The following IKZF1 variants were observed in gnomAD, a reference collection of about 807,000 sequenced individuals.
The protein encoded by IKZF1 is IKAROS family zinc finger 1, also known as DNA-binding protein Ikaros.
In IKZF1, 10 loss-of-function variants were observed where a neutral mutation model predicts 51.7. The observed-to-expected ratio is 0.19, with a 90% CI of 0.12 to 0.33. The LOEUF (loss-of-function observed/expected upper bound fraction) is 0.33, where lower values mean the gene tolerates loss of function less well. Among genes scored for constraint, IKZF1 ranks in the 10% least tolerant of loss-of-function variants. The pLI is 1.00. For missense variants in IKZF1, 484 were observed against 707.5 expected, an observed-to-expected ratio of 0.68 and a Z score of 3.58; for synonymous variants, 280 against 282.3, an observed-to-expected ratio of 0.99 and a Z score of 0.08.
At chr7:50,319,123 G>A in intron 2 of IKZF1, 22 bp downstream of exon 2, 2 of 1,611,162 alleles carry the variant, frequency 1.2e-6, no homozygotes, top group South Asian at 1.1e-5. Context: ...TGAGATAGCT[G>A]TGTGGGAAGT....
intron 3 of IKZF1, among the ~76,000 whole-genome samples, chr7:50,375,623 C>G (rs962937236): frequency 1.3e-5 from 2 of 151,900 alleles, no homozygotes; most frequent in African/African-American, 4.8e-5. Context: ...ACATAATTAC[C>G]TTGTGATGTG....
intron 3 of IKZF1, among the ~76,000 whole-genome samples, chr7:50,343,758 G>A (rs1478106747): frequency 6.6e-6 from 1 of 152,202 alleles, no homozygotes; most frequent in Admixed American, 6.5e-5. Flanking sequence ...AAGACCTAAC[G>A]TTGAGAATCC....
At chr7:50,319,186 G>C in intron 2 of IKZF1, 85 bp downstream of exon 2, 2 of 1,135,724 alleles carry the variant, frequency 1.8e-6, no homozygotes, top group South Asian at 1.3e-5. Context: ...GTATGCTCAT[G>C]GGGGAGGAAT....
intron 3 of IKZF1, chr7:50,367,782 A>C: frequency 5.7e-6 from 3 of 527,418 alleles, no homozygotes; most frequent in Admixed American, 3.4e-5. Flanking sequence ...ACTTTATGGG[A>C]TATAATGCTG....
intron 3 of IKZF1, among the ~76,000 whole-genome samples, chr7:50,366,198 C>T (rs528845565): frequency 1.3e-5 from 2 of 152,096 alleles, no homozygotes; most frequent in South Asian, 4.2e-4. Flanking sequence ...ATAACAAACC[C>T]CCATGACATG....
chr7:50,388,215 G>A (rs554208108), intron 6 of IKZF1, among the ~76,000 whole-genome samples: 9 of 152,318 alleles, frequency 5.9e-5, no homozygotes, highest in African/African-American at 2.2e-4. Context: ...TTTATAAAGA[G>A]ATCAAATAAA....
At chr7:50,337,162 A>C (rs1021683676) in intron 3 of IKZF1, among the ~76,000 whole-genome samples, 1 of 151,870 alleles carries the variant, frequency 6.6e-6, no homozygotes, top group African/African-American at 2.4e-5. Context: ...GCTGTCAGGC[A>C]TCAGGAACCA....
At chr7:50,359,875 G>A (rs1362838905) in intron 3 of IKZF1, among the ~76,000 whole-genome samples, 1 of 152,254 alleles carries the variant, frequency 6.6e-6, no homozygotes, top group African/African-American at 2.4e-5. Context: ...GAAGGCAGAA[G>A]AAACTGCCAA....
intron 2 of IKZF1, among the ~76,000 whole-genome samples, chr7:50,320,661 C>G (rs1215841614): frequency 6.6e-6 from 1 of 152,174 alleles, no homozygotes; most frequent in East Asian, 1.9e-4. Context: ...TTGTTAGTTT[C>G]CACATGTGAG....
chr7:50,393,488 G>C (rs1204954002), intron 7 of IKZF1, among the ~76,000 whole-genome samples: 1 of 152,176 alleles, frequency 6.6e-6, no homozygotes. Context: ...CCCTCTTGCA[G>C]CTTCAAATAG....
rs1350850956 is a variant in IKZF1 at position 50,379,115 on chromosome 7, G to C, written c.421+2322G>C. 3.3e-5 allele frequency among the ~76,000 whole-genome samples: 5 copies of C among 152,120 alleles called. No individual in the cohort carries two copies. The South Asian group carries it at 6.2e-4, about 19-fold the overall frequency. On this transcript the variant is annotated intron_variant, in intron 4 of 7. Coordinates refer to ENST00000331340, the MANE Select transcript of IKZF1 (RefSeq NM_006060.6). ...GAACATACAACTCTGCTTCAGACCT[G>C]GGGGGAGGCAGGAGAGCAAGCATTC...
At chr7:50,322,341 A>G (rs1036053088) in intron 2 of IKZF1, among the ~76,000 whole-genome samples, 1 of 152,264 alleles carries the variant, frequency 6.6e-6, no homozygotes, top group African/African-American at 2.4e-5. Context: ...GCAATTTCAT[A>G]GGATTCAACC....
chr7:50,370,253 T>C (rs889828057), intron 3 of IKZF1, among the ~76,000 whole-genome samples: 41 of 152,348 alleles, frequency 2.7e-4, no homozygotes, highest in African/African-American at 9.9e-4. Flanking sequence ...ATTTACTTTT[T>C]CAGTAAATAT....
intron 3 of IKZF1, among the ~76,000 whole-genome samples, chr7:50,374,089 G>A (rs1809528454): frequency 6.6e-6 from 1 of 152,174 alleles, no homozygotes; most frequent in African/African-American, 2.4e-5. Context: ...CCTCACTTCT[G>A]TGGTCTCCAA....
intron 7 of IKZF1, among the ~76,000 whole-genome samples, chr7:50,398,747 A>G: frequency 6.6e-6 from 1 of 152,088 alleles, no homozygotes; most frequent in East Asian, 1.9e-4. Context: ...TAAAATATAA[A>G]CCGTTCAGAC....
At chr7:50,369,856 C>T (rs1362421030) in intron 3 of IKZF1, among the ~76,000 whole-genome samples, 1 of 151,834 alleles carries the variant, frequency 6.6e-6, no homozygotes, top group Non-Finnish European at 1.5e-5. Flanking sequence ...TTGCAAATAA[C>T]GAAAAAAGTA....
At chr7:50,357,555 C>T (rs543552887) in intron 3 of IKZF1, among the ~76,000 whole-genome samples, 2 of 152,302 alleles carry the variant, frequency 1.3e-5, no homozygotes, top group African/African-American at 4.8e-5. Flanking sequence ...TGCACCGTGG[C>T]ACGTGAGTTT....
At chr7:50,383,281 C>G (rs987421823) in intron 5 of IKZF1, among the ~76,000 whole-genome samples, 2 of 152,160 alleles carry the variant, frequency 1.3e-5, no homozygotes, top group African/African-American at 4.8e-5. Context: ...TAGACAGCAG[C>G]CTTTCTCTTT....
At chr7:50,350,186 G>A (rs1801484950) in intron 3 of IKZF1, among the ~76,000 whole-genome samples, 1 of 152,220 alleles carries the variant, frequency 6.6e-6, no homozygotes, top group African/African-American at 2.4e-5. Context: ...ACCAGCACAT[G>A]TTGATGCTGT....
Sources: allele counts gnomAD v4.1 joint callset (sites outside exome capture counted in the v4.1 genomes callset), GRCh38; gene constraint gnomAD v4.1.1; transcripts MANE v1.5; gene names NCBI Gene and HGNC (gene_info 2026-07-23, HGNC 2026-07-21).